The following IFT56 variants were observed in gnomAD, a reference collection of about 807,000 sequenced individuals.
The protein encoded by IFT56 is intraflagellar transport 56.
At chr7:139,152,426 C>T in the IFT56 span, among the ~76,000 whole-genome samples, 1 of 152,260 alleles carries the variant, frequency 6.6e-6, no homozygotes, top group Non-Finnish European at 1.5e-5. Context: ...TGTGCCCAAT[C>T]ACTTCTGATA....
At chr7:139,148,417 T>C in the IFT56 span, 1 of 1,560,414 alleles carries the variant, frequency 6.4e-7, no homozygotes, top group South Asian at 1.1e-5. Context: ...TTCATTCCAA[T>C]TTGAATTACT....
the IFT56 span, chr7:139,142,108 C>G: frequency 5.0e-6 from 4 of 794,210 alleles, no homozygotes; most frequent in Non-Finnish European, 8.4e-6. Flanking sequence ...CAGGTGGACA[C>G]CAGACTCAAA....
At chr7:139,180,931 C>A in the IFT56 span, among the ~76,000 whole-genome samples, 2 of 152,132 alleles carry the variant, frequency 1.3e-5, no homozygotes, top group African/African-American at 4.8e-5. Flanking sequence ...AGAATTCTGG[C>A]AGGGAGCCAG....
chr7:139,137,992 A>AAAAAACATG, the IFT56 span: 1 of 1,094,386 alleles, frequency 9.1e-7, no homozygotes, highest in Non-Finnish European at 1.4e-6. Context: ...AAATGTTATT[A>AAAAAACATG]AACTTTATAT....
the IFT56 span, chr7:139,139,842 C>A: frequency 1.6e-6 from 2 of 1,259,114 alleles, no homozygotes; most frequent in South Asian, 1.3e-5. Context: ...AATGGCCCAT[C>A]AATTGCTTTG....
At chr7:139,189,359 C>T in the IFT56 span, 4 of 1,612,950 alleles carry the variant, frequency 2.5e-6, no homozygotes, top group Admixed American at 1.7e-5. Context: ...CTGAGAAGCA[C>T]AGGTAACACC....
the IFT56 span, chr7:139,178,539 T>G: frequency 3.7e-6 from 6 of 1,613,966 alleles, no homozygotes; most frequent in Non-Finnish European, 5.1e-6. Context: ...TGATGACATC[T>G]TTAACTTTAA....
chr7:139,163,341 A>G, the IFT56 span, among the ~76,000 whole-genome samples: 2 of 136,024 alleles, frequency 1.5e-5, no homozygotes, highest in African/African-American at 2.9e-5. Flanking sequence ...GACTCCATCT[A>G]AAAAAAAAAA....
the IFT56 span, among the ~76,000 whole-genome samples, chr7:139,177,345 T>C: frequency 6.6e-6 from 1 of 151,540 alleles, no homozygotes; most frequent in Non-Finnish European, 1.5e-5. Context: ...GGAGGATTAG[T>C]ATAACTCCCA....
the IFT56 span, among the ~76,000 whole-genome samples, chr7:139,159,761 A>G: frequency 1.3e-5 from 2 of 152,222 alleles, no homozygotes; most frequent in East Asian, 1.9e-4. Context: ...GTAAAAAAAT[A>G]TGTATGTCAA....
At chr7:139,175,572 G>A in the IFT56 span, among the ~76,000 whole-genome samples, 1 of 152,160 alleles carries the variant, frequency 6.6e-6, no homozygotes, top group African/African-American at 2.4e-5. Flanking sequence ...AGATGAATGA[G>A]ATGAGATCCT....
At chr7:139,184,622 A>G in the IFT56 span, among the ~76,000 whole-genome samples, 1 of 152,338 alleles carries the variant, frequency 6.6e-6, no homozygotes, top group Admixed American at 6.5e-5. Context: ...ATAGTTCTGC[A>G]TCTTGGTCAG....
chr7:139,178,512 C>T, the IFT56 span: 2 of 1,613,068 alleles, frequency 1.2e-6, no homozygotes, highest in African/African-American at 2.7e-5. Flanking sequence ...GGATGTTTTT[C>T]AGAGTTACTT....
At chr7:139,141,748 G>GTATAATT in the IFT56 span, among the ~76,000 whole-genome samples, 132 of 152,328 alleles carry the variant, frequency 8.7e-4, 1 homozygote, top group African/African-American at 3.1e-3. Flanking sequence ...CCTGTTTCAG[G>GTATAATT]ATGGCACATA....
At chr7:139,150,409 T>C in the IFT56 span, among the ~76,000 whole-genome samples, 3 of 152,234 alleles carry the variant, frequency 2.0e-5, no homozygotes, top group Admixed American at 6.5e-5. Flanking sequence ...TGTCTGTATA[T>C]GTCTTTTCCA....
chr7:139,135,847 T>G, the IFT56 span, among the ~76,000 whole-genome samples: 16 of 152,226 alleles, frequency 1.1e-4, 1 homozygote, highest in Non-Finnish European at 2.1e-4. Flanking sequence ...TTACTCTGAA[T>G]CTACCCTTAA....
chr7:139,159,415 CTG>C, the IFT56 span, among the ~76,000 whole-genome samples: 1 of 151,998 alleles, frequency 6.6e-6, no homozygotes, highest in East Asian at 1.9e-4. Context: ...TATTATATAA[CTG>C]TTTTTTTATT....
chr7:139,142,321 T>C, the IFT56 span: 2 of 1,607,726 alleles, frequency 1.2e-6, no homozygotes, highest in Non-Finnish European at 1.7e-6. Context: ...TATGTTCTCA[T>C]TTCACATTTT....
chr7:139,169,061 G>T, the IFT56 span, among the ~76,000 whole-genome samples: 1 of 152,098 alleles, frequency 6.6e-6, no homozygotes, highest in Non-Finnish European at 1.5e-5. Context: ...TGAAGTTTTA[G>T]GATAGAATTT....
Sources: allele counts gnomAD v4.1 joint callset (sites outside exome capture counted in the v4.1 genomes callset), GRCh38; gene constraint gnomAD v4.1.1; transcripts MANE v1.5; gene names NCBI Gene and HGNC (gene_info 2026-07-23, HGNC 2026-07-21).